IFNAR2: variants seen among roughly 807,000 people sequenced by gnomAD.
The protein encoded by IFNAR2 is interferon alpha and beta receptor subunit 2.
Under a neutral mutation model 49.4 loss-of-function variants are expected in IFNAR2, and 30 were observed. The observed-to-expected ratio is 0.61, with a 90% confidence interval of 0.45 to 0.82. The LOEUF (loss-of-function observed/expected upper bound fraction) is 0.82. IFNAR2 is among the 40% of genes least tolerant of loss of function. The probability of loss-of-function intolerance (pLI) is 0.00; values close to 1 mark genes in which losing one functional copy is unlikely to be tolerated. For synonymous variants in IFNAR2, 224 were observed against 234.5 expected, an observed-to-expected ratio of 0.96 and a Z score of 0.41; for missense variants, 600 against 622.7, an observed-to-expected ratio of 0.96 and a Z score of 0.39.
intron 6 of IFNAR2, chr21:33,252,249 G>T: frequency 2.2e-6 from 1 of 458,174 alleles, no homozygotes; most frequent in Non-Finnish European, 4.5e-6. Flanking sequence ...TTGAATGGAG[G>T]TAATGCCTAT....
At chr21:33,233,998 A>G (rs1245752690) in intron 1 of IFNAR2, among the ~76,000 whole-genome samples, 1 of 152,200 alleles carries the variant, frequency 6.6e-6, no homozygotes, top group East Asian at 1.9e-4. Context: ...TAAATATGGT[A>G]TAAAATTAAA....
intron 1 of IFNAR2, among the ~76,000 whole-genome samples, chr21:33,240,814 CA>C (rs35515030): frequency 9.6e-4 from 133 of 138,636 alleles, no homozygotes; most frequent in Non-Finnish European, 9.8e-4. Context: ...AGACCCGTCT[CA>C]AAAAAAAAAA....
chr21:33,249,466 T>C (rs962388065), intron 6 of IFNAR2, among the ~76,000 whole-genome samples: 1 of 152,046 alleles, frequency 6.6e-6, no homozygotes, highest in African/African-American at 2.4e-5. Flanking sequence ...AGAGATTTAT[T>C]TGAAAAGGAG....
intron 2 of IFNAR2, 139 bp from the exon 3 acceptor site, chr21:33,243,532 ATG>A: frequency 1.4e-6 from 1 of 724,078 alleles, no homozygotes. Context: ...AAAACCATCT[ATG>A]TGGGCATTTT....
At chr21:33,238,148 G>T (rs374868849) in intron 1 of IFNAR2, among the ~76,000 whole-genome samples, 34 of 152,156 alleles carry the variant, frequency 2.2e-4, no homozygotes, top group Non-Finnish European at 3.5e-4. Context: ...TGCTACCTTG[G>T]CGTTGTCAGT....
At chr21:33,238,678 TTG>T (rs956789325) in intron 1 of IFNAR2, among the ~76,000 whole-genome samples, 3 of 132,040 alleles carry the variant, frequency 2.3e-5, no homozygotes, top group African/African-American at 7.8e-5. Flanking sequence ...TTTGGGGGGG[TTG>T]TTTTTTTTAA....
chr21:33,240,377 T>C (rs970087524), intron 1 of IFNAR2, among the ~76,000 whole-genome samples: 1 of 152,194 alleles, frequency 6.6e-6, no homozygotes, highest in Non-Finnish European at 1.5e-5. Context: ...ATAACCTAGA[T>C]GTGTAGTTGG....
chr21:33,240,960 T>C (rs1422469208), intron 1 of IFNAR2, among the ~76,000 whole-genome samples: 4 of 152,198 alleles, frequency 2.6e-5, no homozygotes. Flanking sequence ...CCACATGTTC[T>C]TATAAGTGGG....
chr21:33,231,730 TGTTTGGTTTG>T (rs578140787), intron 1 of IFNAR2: 25 of 979,080 alleles, frequency 2.6e-5, no homozygotes, highest in Admixed American at 1.2e-4. Context: ...TGTTTTGTTT[TGTTTGGTTTG>T]GTTTGGTTTG....
intron 1 of IFNAR2, chr21:33,232,888 A>C: frequency 1.3e-6 from 1 of 781,054 alleles, no homozygotes. Context: ...AGGAGGTACT[A>C]AAGCCAAACT....
At chr21:33,253,243 T>G (rs996484456) in intron 7 of IFNAR2, among the ~76,000 whole-genome samples, 1 of 152,172 alleles carries the variant, frequency 6.6e-6, no homozygotes, top group Non-Finnish European at 1.5e-5. Flanking sequence ...ATGGATGTGA[T>G]CTGGCATCAG....
chr21:33,237,221 C>G (rs79718133), intron 1 of IFNAR2, among the ~76,000 whole-genome samples: 3,694 of 151,998 alleles, frequency 0.024, 60 homozygotes, highest in South Asian at 0.055. Flanking sequence ...GAGGTCAGGT[C>G]AGGTGTTCAA....
At chr21:33,237,873 A>G (rs1413051413) in intron 1 of IFNAR2, among the ~76,000 whole-genome samples, 1 of 152,160 alleles carries the variant, frequency 6.6e-6, no homozygotes, top group East Asian at 1.9e-4. Context: ...TCGTCTTGTG[A>G]AGTCCTAATT....
intron 1 of IFNAR2, among the ~76,000 whole-genome samples, chr21:33,233,717 A>C (rs1986227669): frequency 6.6e-6 from 1 of 152,206 alleles, no homozygotes; most frequent in Non-Finnish European, 1.5e-5. Context: ...TGGAAAAACA[A>C]AAACTTGCTG....
chr21:33,230,282 C>T lies in IFNAR2; in HGVS notation c.-84+66C>T. ...CCAGCTGACTGGAGGGAAAACGCCGCCTCCCTGCAGCGGTTCCCGGAATCC... is the reference window on the plus strand; with the variant it reads ...CCAGCTGACTGGAGGGAAAACGCCGTCTCCCTGCAGCGGTTCCCGGAATCC... On this transcript the variant is annotated intron_variant, in intron 1 of 8. Coordinates refer to ENST00000342136, the MANE Select transcript of IFNAR2 (RefSeq NM_001289125.3). This position sits in a 1 kb window ranked among gnomAD's most constrained non-coding sequence, Gnocchi z 5.5. 9.2e-7 allele frequency: 1 copy of T among 1,092,466 alleles called. No individual in the cohort carries two copies. The highest frequency in any genetic ancestry group is 4.3e-4 in the Middle Eastern group (1 of 2,302). 67.7% of individuals were successfully genotyped at this position (1,092,466 alleles called of 1,614,324 possible). A position where few individuals can be genotyped will look rare whatever the true frequency, so the allele number is the denominator to read the frequency against.
At chr21:33,237,078 G>GGTGGGTGTGTGTGTGTGT (rs57276350) in intron 1 of IFNAR2, among the ~76,000 whole-genome samples, 2,367 of 147,642 alleles carry the variant, frequency 0.016, 36 homozygotes, top group East Asian at 0.05. Context: ...GGGAGAATGG[G>GGTGGGTGTGTGTGTGTGT]GTGTGTGTGT....
At chr21:33,246,401 A>G (rs149306050) in intron 4 of IFNAR2, among the ~76,000 whole-genome samples, 33 of 152,306 alleles carry the variant, frequency 2.2e-4, no homozygotes, top group Non-Finnish European at 2.5e-4. Context: ...CACCTACTAC[A>G]TGCCAGGGGG....
chr21:33,234,183 C>G (rs372203064), intron 1 of IFNAR2, among the ~76,000 whole-genome samples: 2 of 140,714 alleles, frequency 1.4e-5, no homozygotes, highest in African/African-American at 5.3e-5. Context: ...AACAGAAACA[C>G]TGTGTGTGTG....
chr21:33,246,678 A>T, intron 4 of IFNAR2, 40 bp from the exon 5 acceptor site: 1 of 1,557,890 alleles, frequency 6.4e-7, no homozygotes, highest in Non-Finnish European at 8.8e-7. Context: ...CATTACATCA[A>T]TGCTAACAAT....
Sources: allele counts gnomAD v4.1 joint callset (sites outside exome capture counted in the v4.1 genomes callset), GRCh38; gene constraint gnomAD v4.1.1; non-coding constraint Gnocchi (gnomAD v3.1); transcripts MANE v1.5; gene names NCBI Gene and HGNC (gene_info 2026-07-23, HGNC 2026-07-21).